PPARGC1A: variants seen among roughly 807,000 people sequenced by gnomAD.
PPARGC1A encodes the protein PPARG coactivator 1 alpha.
In PPARGC1A, 25 loss-of-function variants were observed where a neutral mutation model predicts 88.7. The observed-to-expected ratio is 0.28, with a 90% CI of 0.21 to 0.39. The LOEUF (loss-of-function observed/expected upper bound fraction) is 0.39, where lower values mean the gene tolerates loss of function less well. Among genes scored for constraint, PPARGC1A ranks in the 10% least tolerant of loss-of-function variants. The pLI is 1.00. For missense variants in PPARGC1A, 880 were observed against 968.7 expected, an observed-to-expected ratio of 0.91 and a Z score of 1.22; for synonymous variants, 363 against 355.6, an observed-to-expected ratio of 1.02 and a Z score of -0.24.
the PPARGC1A span, among the ~76,000 whole-genome samples, chr4:24,373,571 C>G: frequency 1.3e-5 from 2 of 152,138 alleles, no homozygotes; most frequent in African/African-American, 4.8e-5. Flanking sequence ...AAAAATGTCT[C>G]TTACTATCAG....
Position 23,829,539 on chromosome 4 carries a change from T to A in PPARGC1A, c.476A>T (p.Asn159Ile). The change falls in exon 4 of 13, where the codon AAT becomes ATT. Residue 159 changes from asparagine (N) to isoleucine (I), a missense_variant. Coordinates refer to ENST00000264867, the MANE Select transcript of PPARGC1A (RefSeq NM_013261.5). ...LAPANTQLSY[N>I]ECSGLSTQNH... Reference sequence around the variant, plus strand: ...CTGGGTACTGAGACCACTGCATTCATTATAACTTAGCTGAGTGTTGGCTGG... The same window carrying A: ...CTGGGTACTGAGACCACTGCATTCAATATAACTTAGCTGAGTGTTGGCTGG... The A allele has an allele frequency of 6.2e-7, 1 of 1,613,536 alleles. No individual in the cohort carries two copies. Among genetic ancestry groups the A allele is most frequent in the Non-Finnish European group, 8.5e-7 (1 of 1,179,476 alleles).
intron 1 of PPARGC1A, among the ~76,000 whole-genome samples, chr4:23,885,953 T>C (rs1170369370): frequency 6.6e-6 from 1 of 152,200 alleles, no homozygotes; most frequent in African/African-American, 2.4e-5. Flanking sequence ...TTAACTGTTT[T>C]ACCATGCGGC....
intron 2 of PPARGC1A, among the ~76,000 whole-genome samples, chr4:23,835,035 T>C (rs1725755601): frequency 6.6e-6 from 1 of 152,124 alleles, no homozygotes; most frequent in Non-Finnish European, 1.5e-5. Context: ...ATTCCGTTTT[T>C]CAAAAAGGCT....
the PPARGC1A span, among the ~76,000 whole-genome samples, chr4:23,990,976 T>C: frequency 1.6e-5 from 2 of 128,070 alleles, no homozygotes; most frequent in African/African-American, 5.5e-5. Flanking sequence ...TACAAGAGTT[T>C]GGAAGCTGCA....
chr4:24,000,927 T>C, the PPARGC1A span, among the ~76,000 whole-genome samples: 2 of 152,196 alleles, frequency 1.3e-5, no homozygotes, highest in South Asian at 2.1e-4. Context: ...TGGACTAAGA[T>C]GAATAAGGGA....
the PPARGC1A span, among the ~76,000 whole-genome samples, chr4:24,217,377 C>A: frequency 1.3e-5 from 2 of 152,204 alleles, no homozygotes; most frequent in South Asian, 4.2e-4. Flanking sequence ...AGAAGTGGGC[C>A]CCAAAGACAC....
chr4:24,419,243 G>A, the PPARGC1A span, among the ~76,000 whole-genome samples: 32 of 151,536 alleles, frequency 2.1e-4, no homozygotes, highest in Admixed American at 1.9e-3. Flanking sequence ...AGGTCAGGAC[G>A]CCATCTGTTG....
the PPARGC1A span, among the ~76,000 whole-genome samples, chr4:24,409,295 A>T: frequency 2.5e-3 from 388 of 152,336 alleles, 2 homozygotes; most frequent in African/African-American, 8.8e-3. Context: ...CAGCATGTCC[A>T]TCTTTAAGAA....
chr4:24,264,967 T>A, the PPARGC1A span, among the ~76,000 whole-genome samples: 33 of 152,336 alleles, frequency 2.2e-4, no homozygotes, highest in African/African-American at 7.9e-4. Flanking sequence ...TTTCTCGTAG[T>A]TTAATATGCT....
the PPARGC1A span, among the ~76,000 whole-genome samples, chr4:24,209,083 A>T: frequency 6.6e-6 from 1 of 152,186 alleles, no homozygotes; most frequent in East Asian, 1.9e-4. Context: ...AGTCATCGGC[A>T]GTGAAGAATG....
chr4:24,290,450 C>T, the PPARGC1A span, among the ~76,000 whole-genome samples: 2 of 152,162 alleles, frequency 1.3e-5, no homozygotes, highest in Admixed American at 6.5e-5. Context: ...CTGCCTTAGC[C>T]TCTCTGAGCC....
chr4:23,902,718 T>C (rs1719554068), upstream of PPARGC1A, among the ~76,000 whole-genome samples: 2 of 151,910 alleles, frequency 1.3e-5, no homozygotes, highest in South Asian at 4.2e-4. Flanking sequence ...TCCTAGAGAC[T>C]AGAAGCATTT....
chr4:24,456,435 G>A, the PPARGC1A span, among the ~76,000 whole-genome samples: 17 of 152,172 alleles, frequency 1.1e-4, no homozygotes, highest in Non-Finnish European at 1.8e-4. Context: ...CTGCAGATAT[G>A]AACAGTGAGT....
the PPARGC1A span, among the ~76,000 whole-genome samples, chr4:24,178,562 T>A: frequency 2.6e-5 from 4 of 152,194 alleles, no homozygotes; most frequent in African/African-American, 9.7e-5. Context: ...TTGAAGCAGT[T>A]AACTGTAGAG....
chr4:24,167,089 A>G, the PPARGC1A span, among the ~76,000 whole-genome samples: 1 of 152,248 alleles, frequency 6.6e-6, no homozygotes. Context: ...TCTAGATGAC[A>G]TTAATAACAT....
chr4:23,821,609 C>T (rs544059031), intron 7 of PPARGC1A, among the ~76,000 whole-genome samples: 42 of 152,094 alleles, frequency 2.8e-4, no homozygotes, highest in African/African-American at 9.6e-4. Flanking sequence ...TAAGGTACAA[C>T]GACCACTGCA....
the PPARGC1A span, among the ~76,000 whole-genome samples, chr4:24,452,995 A>C: frequency 6.6e-6 from 1 of 152,182 alleles, no homozygotes; most frequent in East Asian, 1.9e-4. Flanking sequence ...GGAGACATGG[A>C]CCTTCACAGA....
the PPARGC1A span, among the ~76,000 whole-genome samples, chr4:24,349,751 T>C: frequency 2.6e-5 from 4 of 152,172 alleles, no homozygotes; most frequent in South Asian, 8.3e-4. Context: ...AGAAAAGGGC[T>C]TTAGTTCTTC....
chr4:23,807,241 C>G (rs61795668), intron 10 of PPARGC1A, among the ~76,000 whole-genome samples: 1 of 152,062 alleles, frequency 6.6e-6, no homozygotes, highest in Admixed American at 6.6e-5. Context: ...TACCAAGATT[C>G]TAAAAAATGC....
Sources: gnomAD v4.1 joint callset for allele counts (sites outside exome capture counted in the v4.1 genomes callset) on GRCh38, gnomAD v4.1.1 for gene constraint, MANE v1.5 for transcripts, NCBI Gene and HGNC (gene_info 2026-07-23, HGNC 2026-07-21) for gene names.